The following PTPRT variants were observed in gnomAD, a reference collection of about 807,000 sequenced individuals.
PTPRT encodes the protein protein tyrosine phosphatase receptor type T.
A neutral mutation model predicts 176.8 loss-of-function variants in PTPRT; 56 were observed. That is an observed-to-expected ratio of 0.32 (90% CI 0.26 to 0.40). The LOEUF (loss-of-function observed/expected upper bound fraction) is 0.40. PTPRT is among the 10% of genes least tolerant of loss of function. The pLI, the probability that PTPRT is intolerant of heterozygous loss-of-function variation, is 1.00. For synonymous variants in PTPRT, 783 were observed against 739.0 expected (o/e 1.06, Z -0.96); for missense variants, 1,540 against 1,908.2 (o/e 0.81, Z 3.60).
intron 9 of PTPRT, among the ~76,000 whole-genome samples, chr20:42,407,067 A>G (rs2058967518): frequency 6.6e-6 from 1 of 152,192 alleles, no homozygotes; most frequent in South Asian, 2.1e-4. Context: ...GCCAATCAGC[A>G]CATCACATTT....
intron 11 of PTPRT, among the ~76,000 whole-genome samples, chr20:42,332,969 C>G (rs2057989526): frequency 6.6e-6 from 1 of 152,270 alleles, no homozygotes; most frequent in Admixed American, 6.5e-5. Flanking sequence ...AAGTGCAAGA[C>G]AGATATAAAT....
intron 1 of PTPRT, among the ~76,000 whole-genome samples, chr20:43,046,671 T>G (rs1238653421): frequency 3.9e-5 from 6 of 151,994 alleles, no homozygotes; most frequent in Admixed American, 6.6e-5. Context: ...ACCAGGAATC[T>G]CCCTGGACCC....
chr20:42,182,340 A>G (rs1990558866), intron 16 of PTPRT, among the ~76,000 whole-genome samples: 2 of 152,364 alleles, frequency 1.3e-5, no homozygotes, highest in South Asian at 4.1e-4. Flanking sequence ...CATAACAAAG[A>G]TAGTGAGTTA....
At chr20:42,410,067 G>A (rs2145733411) in intron 9 of PTPRT, among the ~76,000 whole-genome samples, 1 of 152,030 alleles carries the variant, frequency 6.6e-6, no homozygotes, top group Middle Eastern at 3.2e-3. Context: ...TAACTATGAT[G>A]TTTCATGCAA....
intron 9 of PTPRT, among the ~76,000 whole-genome samples, chr20:42,382,093 C>T (rs545511681): frequency 6.6e-6 from 1 of 152,266 alleles, no homozygotes; most frequent in East Asian, 1.9e-4. Context: ...TTAGAATCAA[C>T]TTGGCTTTCC....
chr20:42,657,268 A>C (rs760680563), intron 7 of PTPRT, among the ~76,000 whole-genome samples: 4 of 152,100 alleles, frequency 2.6e-5, no homozygotes, highest in Non-Finnish European at 5.9e-5. Flanking sequence ...CAAATTGCCC[A>C]CTGTCTGGTA....
chr20:42,225,266 C>T (rs762858449), intron 15 of PTPRT, among the ~76,000 whole-genome samples: 7 of 152,056 alleles, frequency 4.6e-5, no homozygotes, highest in Non-Finnish European at 7.4e-5. Context: ...CTCTCTCTCT[C>T]TCCCTCCCTC....
At chr20:42,734,791 G>A (rs1277438860) in intron 6 of PTPRT, among the ~76,000 whole-genome samples, 1 of 152,108 alleles carries the variant, frequency 6.6e-6, no homozygotes, top group East Asian at 1.9e-4. Context: ...TGCTGCCAGG[G>A]GCAGGTTCTT....
intron 1 of PTPRT, among the ~76,000 whole-genome samples, chr20:42,910,732 T>G (rs2079533581): frequency 6.6e-6 from 1 of 152,146 alleles, no homozygotes; most frequent in Non-Finnish European, 1.5e-5. Flanking sequence ...TTGAGGTGAT[T>G]ACGGAACACA....
chr20:42,613,610 G>A (rs1016939855), intron 7 of PTPRT, among the ~76,000 whole-genome samples: 3 of 152,166 alleles, frequency 2.0e-5, no homozygotes, highest in African/African-American at 7.2e-5. Context: ...GTAGCAGAGT[G>A]ATCACTTTAG....
At chr20:42,707,710 G>T (rs536350443) in intron 6 of PTPRT, among the ~76,000 whole-genome samples, 1 of 152,162 alleles carries the variant, frequency 6.6e-6, no homozygotes, top group Non-Finnish European at 1.5e-5. Context: ...CTCAGCTACT[G>T]GGGGAGGCTG....
chr20:42,769,676 A>G (rs552810357), intron 5 of PTPRT, among the ~76,000 whole-genome samples: 22 of 152,364 alleles, frequency 1.4e-4, no homozygotes, highest in African/African-American at 4.1e-4. Flanking sequence ...TCACACATGC[A>G]GGCTCCCAGC....
intron 9 of PTPRT, among the ~76,000 whole-genome samples, chr20:42,369,063 C>T (rs2058552708): frequency 6.6e-6 from 1 of 150,660 alleles, no homozygotes; most frequent in Non-Finnish European, 1.5e-5. Context: ...CTTCCTTCCT[C>T]CCTTCTTTCT....
At chr20:42,961,489 T>A (rs1322324842) in intron 1 of PTPRT, among the ~76,000 whole-genome samples, 1 of 152,170 alleles carries the variant, frequency 6.6e-6, no homozygotes, top group Non-Finnish European at 1.5e-5. Flanking sequence ...TGGAAGGAAG[T>A]AGAATGAGTG....
intron 6 of PTPRT, among the ~76,000 whole-genome samples, chr20:42,703,868 CG>C (rs535587050): frequency 1.7e-3 from 256 of 152,230 alleles, no homozygotes; most frequent in Middle Eastern, 3.4e-3. Context: ...TCCTGTCATC[CG>C]GGGTTTGGTC....
chr20:42,666,872 T>C (rs1392979828), intron 7 of PTPRT, among the ~76,000 whole-genome samples: 3 of 152,238 alleles, frequency 2.0e-5, no homozygotes, highest in South Asian at 2.1e-4. Flanking sequence ...TGTCTGACCA[T>C]AGCATTGAAA....
At chr20:42,810,698 G>A (rs563986493) in intron 2 of PTPRT, among the ~76,000 whole-genome samples, 24 of 152,282 alleles carry the variant, frequency 1.6e-4, no homozygotes, top group African/African-American at 5.3e-4. Context: ...ACAATACTGT[G>A]GGCATCAGAT....
intron 7 of PTPRT, among the ~76,000 whole-genome samples, chr20:42,665,373 C>A (rs1264750143): frequency 6.6e-6 from 1 of 152,126 alleles, no homozygotes; most frequent in African/African-American, 2.4e-5. Flanking sequence ...CAGAGAAATG[C>A]AAATCAAAAC....
chr20:42,306,475 T>C (rs1195534446), intron 12 of PTPRT, among the ~76,000 whole-genome samples: 1 of 152,282 alleles, frequency 6.6e-6, no homozygotes, highest in East Asian at 1.9e-4. Context: ...GTTTACCCGA[T>C]TGAGATTTTC....
Sources: allele counts gnomAD v4.1 joint callset (sites outside exome capture counted in the v4.1 genomes callset), GRCh38; gene constraint gnomAD v4.1.1; transcripts MANE v1.5; gene names NCBI Gene and HGNC (gene_info 2026-07-23, HGNC 2026-07-21).